Variants in CALN1 observed in about 807,000 individuals in gnomAD.
The protein encoded by CALN1 is calcium-binding protein 8.
In CALN1, 17 loss-of-function variants were observed where a neutral mutation model predicts 30.6. The ratio of observed to expected loss-of-function variants is 0.56; its 90% confidence interval spans 0.38 to 0.83. The LOEUF (loss-of-function observed/expected upper bound fraction) is 0.83. CALN1 is among the 40% of genes least tolerant of loss of function. CALN1 has a pLI of 0.00. For missense variants in CALN1, 291 were observed against 354.9 expected (o/e 0.82, Z 1.45); for synonymous variants, 156 against 131.4 (o/e 1.19, Z -1.28).
At chr7:72,227,176 C>T (rs549061999) in intron 3 of CALN1, among the ~76,000 whole-genome samples, 2 of 151,348 alleles carry the variant, frequency 1.3e-5, no homozygotes, top group Admixed American at 1.3e-4. Context: ...ACTTCAGCAT[C>T]ATGCAATATA....
At chr7:71,903,155 C>T (rs1793952903) in intron 5 of CALN1, among the ~76,000 whole-genome samples, 1 of 151,872 alleles carries the variant, frequency 6.6e-6, no homozygotes, top group Non-Finnish European at 1.5e-5. Context: ...AATAAAACTG[C>T]ACTTTTACCC....
chr7:72,224,646 T>C (rs1793538616), intron 3 of CALN1, among the ~76,000 whole-genome samples: 1 of 151,952 alleles, frequency 6.6e-6, no homozygotes, highest in South Asian at 2.1e-4. Flanking sequence ...CTGGGAGTGG[T>C]GGCCAGTGCC....
At chr7:72,257,962 G>T (rs534992550) in intron 3 of CALN1, among the ~76,000 whole-genome samples, 2 of 147,316 alleles carry the variant, frequency 1.4e-5, no homozygotes, top group African/African-American at 5.2e-5. Context: ...GGGGACTCGA[G>T]GGGGAAGAGT....
chr7:72,111,279 C>T (rs1172096877), intron 3 of CALN1, among the ~76,000 whole-genome samples: 2 of 152,172 alleles, frequency 1.3e-5, no homozygotes, highest in African/African-American at 4.8e-5. Flanking sequence ...CAACACGCAT[C>T]GTCTGAAAGG....
intron 5 of CALN1, among the ~76,000 whole-genome samples, chr7:71,973,640 C>T (rs1797959024): frequency 6.6e-6 from 1 of 152,038 alleles, no homozygotes; most frequent in Admixed American, 6.6e-5. Context: ...AAACCAGAGA[C>T]GTGTTTATGA....
chr7:72,005,751 C>T (rs1177247109), intron 5 of CALN1, among the ~76,000 whole-genome samples: 2 of 132,110 alleles, frequency 1.5e-5, no homozygotes, highest in East Asian at 5.1e-4. Flanking sequence ...TTTGCAATGG[C>T]AAAATTTTAG....
At chr7:72,051,012 ATAAATAAAT>A (rs1802800922) in intron 4 of CALN1, among the ~76,000 whole-genome samples, 1 of 150,254 alleles carries the variant, frequency 6.7e-6, no homozygotes, top group Non-Finnish European at 1.5e-5. Context: ...AAATAAATAA[ATAAATAAAT>A]AAATAAATAA....
intron 2 of CALN1, among the ~76,000 whole-genome samples, chr7:72,342,370 G>A (rs893894416): frequency 6.6e-6 from 1 of 152,056 alleles, no homozygotes; most frequent in Non-Finnish European, 1.5e-5. Flanking sequence ...TCCATATTAA[G>A]GTGGTTGCAG....
rs528521057 is a variant in CALN1 at position 71,924,410 on chromosome 7, T to C, written c.501+99247A>G. Among the ~76,000 whole-genome samples the C allele has an allele frequency of 1.5e-4, 22 of 149,894 alleles. No individual in the cohort carries two copies. The East Asian group carries it at 4.1e-3, about 28-fold the overall frequency. ...ACCTTTACATTTTTAATATAATACTTAATATATACAAAAGAATGTTTATAT... is the reference window on the plus strand; with the variant it reads ...ACCTTTACATTTTTAATATAATACTCAATATATACAAAAGAATGTTTATAT... On this transcript the variant is annotated intron_variant, in intron 5 of 6. Coordinates refer to ENST00000395275, the MANE Select transcript of CALN1 (RefSeq NM_031468.4).
At chr7:71,808,009 G>C (rs1378099374) in intron 6 of CALN1, among the ~76,000 whole-genome samples, 2 of 152,122 alleles carry the variant, frequency 1.3e-5, no homozygotes, top group Admixed American at 6.6e-5. Flanking sequence ...GGGAAGCAGA[G>C]GTTGCAGTGA....
At chr7:72,016,643 C>T (rs914901913) in intron 5 of CALN1, among the ~76,000 whole-genome samples, 7 of 151,796 alleles carry the variant, frequency 4.6e-5, no homozygotes, top group African/African-American at 1.7e-4. Flanking sequence ...CACTCATTGC[C>T]TGGGCTGCTC....
intron 5 of CALN1, among the ~76,000 whole-genome samples, chr7:71,815,042 C>T (rs145724342): frequency 0.036 from 5,410 of 152,086 alleles, 145 homozygotes; most frequent in Non-Finnish European, 0.058. Flanking sequence ...ACCGTGTTAG[C>T]CAGGATGGTC....
rs545559352 is a variant in CALN1, at chr7:71,846,617, C to G, written c.502-36125G>C. 1.4e-3 allele frequency among the ~76,000 whole-genome samples: 216 copies of G among 151,770 alleles called. 2 individuals carry two copies. The highest frequency in any genetic ancestry group is 3.4e-3 in the Middle Eastern group (1 of 290). ...CCATTTACAGTGCTATTCTTTACTT[C>G]TACAGGGTAACCCTCCTTCTATTGT... On this transcript the variant is annotated intron_variant, in intron 5 of 6. Coordinates refer to ENST00000395275, the MANE Select transcript of CALN1 (RefSeq NM_031468.4).
At chr7:72,366,950 T>C (rs2944799) in intron 2 of CALN1, among the ~76,000 whole-genome samples, 54,290 of 151,804 alleles carry the variant, frequency 0.36, 10,556 homozygotes, top group Middle Eastern at 0.52. Flanking sequence ...AATGGATAAA[T>C]AAATTATGAT....
At chr7:71,797,410 C>T (rs767118361) in intron 6 of CALN1, among the ~76,000 whole-genome samples, 5 of 152,090 alleles carry the variant, frequency 3.3e-5, no homozygotes, top group Non-Finnish European at 5.9e-5. Context: ...TATTTATGCA[C>T]CCTAAAATGG....
At chr7:72,473,979 C>A in the CALN1 span, among the ~76,000 whole-genome samples, 4 of 147,940 alleles carry the variant, frequency 2.7e-5, no homozygotes, top group Non-Finnish European at 4.5e-5. Context: ...AAAGCCAATT[C>A]GAAAAGCATT....
intron 3 of CALN1, among the ~76,000 whole-genome samples, chr7:72,238,567 A>C (rs1399380669): frequency 6.6e-6 from 1 of 151,516 alleles, no homozygotes; most frequent in Non-Finnish European, 1.5e-5. Flanking sequence ...TGTAATCCCT[A>C]CATGTCATGG....
intron 3 of CALN1, among the ~76,000 whole-genome samples, chr7:72,270,491 G>C (rs1011578391): frequency 2.6e-5 from 4 of 152,180 alleles, no homozygotes; most frequent in Non-Finnish European, 5.9e-5. Context: ...ATAAGCCAAG[G>C]CTGGGTGTGG....
At chr7:72,141,841 T>G (rs1215530246) in intron 3 of CALN1, among the ~76,000 whole-genome samples, 1 of 152,100 alleles carries the variant, frequency 6.6e-6, no homozygotes, top group Non-Finnish European at 1.5e-5. Flanking sequence ...AGTGCTGGGA[T>G]TACAGGTGTG....
Sources: gnomAD v4.1 joint callset for allele counts (sites outside exome capture counted in the v4.1 genomes callset) on GRCh38, gnomAD v4.1.1 for gene constraint, MANE v1.5 for transcripts, NCBI Gene and HGNC (gene_info 2026-07-23, HGNC 2026-07-21) for gene names.